TBC1D22A: variants seen among roughly 807,000 people sequenced by gnomAD.
The protein encoded by TBC1D22A is TBC1 domain family member 22A, also known as putative GTPase activator.
In TBC1D22A, 38 loss-of-function variants were observed where a neutral mutation model predicts 60.2. The observed-to-expected ratio is 0.63, with a 90% CI of 0.49 to 0.83. The LOEUF (loss-of-function observed/expected upper bound fraction) is 0.83, where lower values mean the gene tolerates loss of function less well. TBC1D22A is among the 40% of genes least tolerant of loss of function. The probability of loss-of-function intolerance (pLI) is 0.00; values close to 1 mark genes in which losing one functional copy is unlikely to be tolerated. For synonymous variants in TBC1D22A, 302 were observed against 281.7 expected (o/e 1.07, Z -0.72); for missense variants, 628 against 701.0 (o/e 0.90, Z 1.18).
chr22:46,937,598 T>TA (rs146033497), intron 8 of TBC1D22A, among the ~76,000 whole-genome samples: 6 of 151,744 alleles, frequency 4.0e-5, no homozygotes, highest in Admixed American at 1.3e-4. Context: ...AAAAGTTATT[T>TA]AAAAAAAAAG....
chr22:46,975,197 G>A (rs771393234), intron 9 of TBC1D22A, among the ~76,000 whole-genome samples: 1 of 152,098 alleles, frequency 6.6e-6, no homozygotes, highest in African/African-American at 2.4e-5. Flanking sequence ...TTCCTGTGAG[G>A]TGCTGTGCTC....
chr22:46,988,531 C>A (rs1344263316), intron 9 of TBC1D22A, among the ~76,000 whole-genome samples: 3 of 152,222 alleles, frequency 2.0e-5, no homozygotes, highest in Non-Finnish European at 4.4e-5. Context: ...ATGAACACAA[C>A]TTTCATCTTC....
chr22:47,113,133 C>G (rs565304503), intron 12 of TBC1D22A, among the ~76,000 whole-genome samples: 59 of 152,340 alleles, frequency 3.9e-4, no homozygotes, highest in African/African-American at 1.3e-3. Context: ...GGGAGAAGGG[C>G]CCAGCCTCTC....
chr22:46,954,656 G>A (rs1346523800), intron 8 of TBC1D22A, among the ~76,000 whole-genome samples: 4 of 145,724 alleles, frequency 2.7e-5, no homozygotes, highest in African/African-American at 2.8e-5. Context: ...AACAGCCACC[G>A]AACGTGGCTG....
chr22:46,801,179 A>G (rs1322232660), intron 4 of TBC1D22A, among the ~76,000 whole-genome samples: 1 of 152,254 alleles, frequency 6.6e-6, no homozygotes, highest in Non-Finnish European at 1.5e-5. Context: ...AAAAAGCTAA[A>G]TGCAGAGCTT....
chr22:46,832,975 A>G (rs1013462496), intron 4 of TBC1D22A, among the ~76,000 whole-genome samples: 1 of 152,196 alleles, frequency 6.6e-6, no homozygotes, highest in African/African-American at 2.4e-5. Flanking sequence ...GAGACTGAAC[A>G]TGAGTGTCAG....
intron 4 of TBC1D22A, among the ~76,000 whole-genome samples, chr22:46,833,560 G>C (rs976642380): frequency 1.3e-5 from 2 of 152,176 alleles, no homozygotes; most frequent in Non-Finnish European, 2.9e-5. Context: ...TTCATGACTC[G>C]TGGGGGTGAT....
chr22:46,791,237 G>T (rs1321505109), intron 1 of TBC1D22A, among the ~76,000 whole-genome samples: 1 of 152,034 alleles, frequency 6.6e-6, no homozygotes, highest in African/African-American at 2.4e-5. Context: ...GCCCAGGCTG[G>T]TCCTAAACTC....
intron 11 of TBC1D22A, among the ~76,000 whole-genome samples, chr22:47,076,716 G>A (rs908049238): frequency 2.6e-5 from 4 of 151,778 alleles, no homozygotes; most frequent in East Asian, 1.9e-4. Context: ...GTGATAGTTC[G>A]TTTGCTTTGA....
At chr22:46,904,145 A>AAT (rs1555937547) in intron 7 of TBC1D22A, among the ~76,000 whole-genome samples, 3 of 75,484 alleles carry the variant, frequency 4.0e-5, no homozygotes, top group African/African-American at 1.5e-4. Flanking sequence ...CTATCTATCT[A>AAT]CCTACCTACC....
At chr22:47,102,732 A>G (rs914757161) in intron 11 of TBC1D22A, among the ~76,000 whole-genome samples, 6 of 152,144 alleles carry the variant, frequency 3.9e-5, no homozygotes, top group Non-Finnish European at 7.3e-5. Flanking sequence ...CAGAATTTAC[A>G]GTCCAGCCTT....
intron 4 of TBC1D22A, among the ~76,000 whole-genome samples, chr22:46,869,048 C>T (rs536889135): frequency 1.7e-4 from 26 of 152,312 alleles, no homozygotes; most frequent in African/African-American, 5.1e-4. Context: ...TTATCTGCGC[C>T]GCTCCGCTGC....
intron 4 of TBC1D22A, among the ~76,000 whole-genome samples, chr22:46,822,311 A>G (rs2085865322): frequency 6.6e-6 from 1 of 151,866 alleles, no homozygotes; most frequent in African/African-American, 2.4e-5. Context: ...TTTGGAGGAG[A>G]TGAGGCACTC....
chr22:47,002,778 G>A (rs1329936008), intron 10 of TBC1D22A, among the ~76,000 whole-genome samples: 1 of 152,158 alleles, frequency 6.6e-6, no homozygotes, highest in Non-Finnish European at 1.5e-5. Flanking sequence ...GGTTCTGGTG[G>A]GCTCCACCCT....
rs1336347895 is a variant in TBC1D22A, at chr22:46,890,977, G to A, written c.709-289G>A. On this transcript the variant is annotated intron_variant, in intron 5 of 12. Transcript: ENST00000337137. ...AGAGCCTTGGGCCCACCTGCTGCAG[G>A]GCCTGTGGGACTGTTGTCCAGGTGA... Among the ~76,000 whole-genome samples the A allele has an allele frequency of 2.0e-5, 3 of 152,298 alleles. No individual in the cohort carries two copies. In the East Asian group the frequency reaches 5.8e-4, roughly 29 times the overall value.
intron 1 of TBC1D22A, among the ~76,000 whole-genome samples, chr22:46,783,363 T>A (rs1012147979): frequency 6.6e-6 from 1 of 152,182 alleles, no homozygotes; most frequent in Non-Finnish European, 1.5e-5. Flanking sequence ...CACGCACACC[T>A]CACCTTCACA....
At chr22:47,145,050 G>A (rs917342159) in intron 12 of TBC1D22A, among the ~76,000 whole-genome samples, 5 of 152,238 alleles carry the variant, frequency 3.3e-5, no homozygotes, top group East Asian at 3.9e-4. Context: ...CGCGCACCAC[G>A]TGCCGGCTGC....
chr22:46,991,884 G>A (rs556471258), intron 9 of TBC1D22A, among the ~76,000 whole-genome samples: 1 of 152,212 alleles, frequency 6.6e-6, no homozygotes, highest in East Asian at 1.9e-4. Flanking sequence ...GGGCCGCCGG[G>A]GCTCTGCTGC....
intron 7 of TBC1D22A, among the ~76,000 whole-genome samples, chr22:46,910,473 T>A (rs993945588): frequency 1.4e-4 from 22 of 152,078 alleles, no homozygotes; most frequent in African/African-American, 5.3e-4. Flanking sequence ...GCTGAGTTTG[T>A]ATGGCAGCGA....
Sources: allele counts gnomAD v4.1 joint callset (sites outside exome capture counted in the v4.1 genomes callset), GRCh38; gene constraint gnomAD v4.1.1; transcripts MANE v1.5; gene names NCBI Gene and HGNC (gene_info 2026-07-23, HGNC 2026-07-21).